Variants in CDKAL1 observed in about 807,000 individuals in gnomAD.
CDKAL1 encodes the protein CDKAL1 threonylcarbamoyladenosine tRNA methylthiotransferase.
In CDKAL1, 32 loss-of-function variants were observed where a neutral mutation model predicts 68.2. The ratio of observed to expected loss-of-function variants is 0.47; its 90% CI spans 0.35 to 0.63. CDKAL1 has a LOEUF of 0.63. Among genes scored for constraint, CDKAL1 ranks in the 30% least tolerant of loss-of-function variants. The pLI is 0.00. For missense variants in CDKAL1, 606 were observed against 696.7 expected (o/e 0.87, Z 1.47); for synonymous variants, 234 against 244.3 (o/e 0.96, Z 0.39).
chr6:20,653,576 C>T lies in CDKAL1; in HGVS notation c.371+4199C>T, dbSNP rs138583991. On this transcript the variant is annotated intron_variant, in intron 5 of 15. Transcript: ENST00000274695. ...AAAGGATTCTCCTGCCTCAGCCTCC[C>T]GGGTACCTGGGATCACAGGCGGGCG... is the stretch of plus-strand genomic sequence containing the variant. Among the ~76,000 whole-genome samples, 669 of 151,914 alleles carry T rather than the reference C, an allele frequency of 4.4e-3. 4 individuals carry two copies. Among genetic ancestry groups the T allele is most frequent in the African/African-American group, 0.015 (628 of 41,400 alleles).
intron 12 of CDKAL1, among the ~76,000 whole-genome samples, chr6:21,084,718 T>C (rs988898776): frequency 2.0e-5 from 3 of 152,170 alleles, no homozygotes; most frequent in Non-Finnish European, 4.4e-5. Flanking sequence ...GATAAACAAA[T>C]ATAAAGAGGT....
chr6:21,079,940 T>G (rs923113132), intron 12 of CDKAL1, among the ~76,000 whole-genome samples: 1 of 149,190 alleles, frequency 6.7e-6, no homozygotes, highest in Non-Finnish European at 1.5e-5. Context: ...TTTTTGTTGT[T>G]CTAAGCACCA....
intron 4 of CDKAL1, among the ~76,000 whole-genome samples, chr6:20,562,114 C>T (rs1395662077): frequency 1.3e-5 from 2 of 152,036 alleles, no homozygotes; most frequent in African/African-American, 4.8e-5. Context: ...ATATATATTT[C>T]CATTTATTTG....
rs560063408 is a variant in CDKAL1, at chr6:21,222,172, G to A, written c.1549-8676G>A. On this transcript the variant is annotated intron_variant, in intron 15 of 15. Transcript: ENST00000274695. Reference sequence around the variant, plus strand: ...ACCAAAATAAGATAAAAACCCACCCGTGATATTAAGATTAGACAGTTCGCA... The same window carrying A: ...ACCAAAATAAGATAAAAACCCACCCATGATATTAAGATTAGACAGTTCGCA... 3.9e-5 allele frequency among the ~76,000 whole-genome samples: 6 copies of A among 152,288 alleles called. No homozygotes were observed. In the East Asian group the frequency reaches 5.8e-4, roughly 15 times the overall value.
chr6:20,999,312 G>A (rs981494561), intron 10 of CDKAL1, among the ~76,000 whole-genome samples: 9 of 145,314 alleles, frequency 6.2e-5, no homozygotes, highest in South Asian at 2.2e-4. Flanking sequence ...CTTTCAAATC[G>A]ATGACCTGAC....
intron 7 of CDKAL1, among the ~76,000 whole-genome samples, chr6:20,760,939 A>G (rs751476531): frequency 2.6e-5 from 4 of 152,214 alleles, no homozygotes; most frequent in Admixed American, 6.5e-5. Flanking sequence ...TTTTTGCTCT[A>G]TAAAAGACAC....
rs140136314 is a variant in CDKAL1, at chr6:20,675,447, C to T, written c.371+26070C>T. Among the ~76,000 whole-genome samples the T allele has an allele frequency of 6.8e-3, 1,038 of 152,186 alleles. 8 individuals are homozygous for T. The highest frequency in any genetic ancestry group is 0.011 in the Non-Finnish European group (744 of 68,010). ...AATCTGTATTTCTGTATGAAATTACCCATATCATCTTGGTTTTAAATATAC... is the reference window on the plus strand; with the variant it reads ...AATCTGTATTTCTGTATGAAATTACTCATATCATCTTGGTTTTAAATATAC... On this transcript the variant is annotated intron_variant, in intron 5 of 15. Transcript: ENST00000274695.
intron 5 of CDKAL1, among the ~76,000 whole-genome samples, chr6:20,670,202 A>G (rs575221432): frequency 6.6e-6 from 1 of 152,188 alleles, no homozygotes; most frequent in South Asian, 2.1e-4. Context: ...ACACAAATAT[A>G]ATATTTATGT....
intron 10 of CDKAL1, among the ~76,000 whole-genome samples, chr6:20,973,832 T>A (rs1299994781): frequency 2.0e-5 from 3 of 152,120 alleles, no homozygotes; most frequent in Non-Finnish European, 4.4e-5. Flanking sequence ...CTCGAACTCC[T>A]GGGCTCAAGT....
intron 9 of CDKAL1, among the ~76,000 whole-genome samples, chr6:20,918,880 G>C (rs1310128834): frequency 6.6e-6 from 1 of 152,192 alleles, no homozygotes; most frequent in East Asian, 1.9e-4. Context: ...CCTGCATTTA[G>C]TGTTCATGGG....
chr6:20,613,311 G>T (rs1438045110), intron 4 of CDKAL1, among the ~76,000 whole-genome samples: 1 of 112,118 alleles, frequency 8.9e-6, no homozygotes, highest in Non-Finnish European at 1.7e-5. Flanking sequence ...GTCTCGCTCT[G>T]TCACCCAGGC....
At chr6:20,939,480 A>G (rs4712570) in intron 9 of CDKAL1, among the ~76,000 whole-genome samples, 27,144 of 152,202 alleles carry the variant, frequency 0.18, 2,795 homozygotes, top group Admixed American at 0.26. Flanking sequence ...TGAAATATCA[A>G]AATGGTTTTT....
intron 8 of CDKAL1, among the ~76,000 whole-genome samples, chr6:20,816,878 A>G (rs76354240): frequency 0.028 from 4,228 of 152,140 alleles, 170 homozygotes; most frequent in African/African-American, 0.094. Flanking sequence ...GCTATTCTCT[A>G]TAATAATGGT....
chr6:20,748,689 A>G (rs1346109458), intron 6 of CDKAL1, among the ~76,000 whole-genome samples: 2 of 151,758 alleles, frequency 1.3e-5, no homozygotes, highest in East Asian at 3.9e-4. Flanking sequence ...AGCCAAGCAT[A>G]CCAAGGATAT....
At chr6:20,943,409 T>C (rs1764090001) in intron 9 of CDKAL1, among the ~76,000 whole-genome samples, 1 of 151,910 alleles carries the variant, frequency 6.6e-6, no homozygotes, top group Non-Finnish European at 1.5e-5. Flanking sequence ...CTTTTGTTTA[T>C]TCTGATGAAG....
chr6:20,811,466 G>T lies in CDKAL1; in HGVS notation c.638+30201G>T, dbSNP rs187281685. Among the ~76,000 whole-genome samples, 754 of 151,854 alleles carry T rather than the reference G, an allele frequency of 5.0e-3. 8 individuals are homozygous for T. Among genetic ancestry groups the T allele is most frequent in the African/African-American group, 0.017 (722 of 41,380 alleles). On this transcript the variant is annotated intron_variant, in intron 8 of 15. Transcript: ENST00000274695. ...TGTTGTTTCATTTTTTTCTTTCTTCGTTTTTTGCAGTTTATTTAAGGAAAC... is the reference window on the plus strand; with the variant it reads ...TGTTGTTTCATTTTTTTCTTTCTTCTTTTTTTGCAGTTTATTTAAGGAAAC...
Position 21,112,524 on chromosome 6 carries a change from T to C in CDKAL1, c.1299+4061T>C, listed in dbSNP as rs145058071. The stretch of plus-strand genomic sequence containing the variant: ...TAGTGGCTTGTTATATTAGTAATTT[T>C]TCTGCATATACATGTCAGTGGACAC... On this transcript the variant is annotated intron_variant, in intron 13 of 15. Transcript: ENST00000274695. Among the ~76,000 whole-genome samples the C allele has an allele frequency of 1.8e-3, 272 of 152,346 alleles. 10 individuals are homozygous for C. In the East Asian group the frequency reaches 0.048, roughly 27 times the overall value.
rs1449985277 is a variant in CDKAL1, at chr6:20,781,216, C to A, written c.589C>A (p.Pro197Thr). 2 of 1,613,460 alleles carry A rather than the reference C, an allele frequency of 1.2e-6. No homozygotes were observed. The highest frequency in any genetic ancestry group is 1.7e-6 in the Non-Finnish European group (2 of 1,179,576). The change falls in exon 8 of 16, where the codon CCG (proline) becomes ACG (threonine). Residue 197 changes from proline (P) to threonine (T), a missense_variant. Coordinates refer to ENST00000274695, the MANE Select transcript of CDKAL1 (RefSeq NM_017774.3). ...GCTTGGGGGAGCACGATTGGATTTG[C>A]CGAAGATTAGGAAGAATCCACTGAT... ...RRLGGARLDL[P>T]KIRKNPLIEI...
In CDKAL1 at chr6:21,231,080, C is replaced by A. The variant is rs775431957; in HGVS notation, c.*41C>A. ...AACATCTATAAAGAAGAATACATTTCTAATTAAAATCTTCAATGAACAGGA... is the reference window on the plus strand; with the variant it reads ...AACATCTATAAAGAAGAATACATTTATAATTAAAATCTTCAATGAACAGGA... On this transcript the variant is annotated 3_prime_UTR_variant, in exon 16 of 16. Coordinates refer to ENST00000274695, the MANE Select transcript of CDKAL1 (RefSeq NM_017774.3). 4.8e-6 allele frequency: 7 copies of A among 1,456,490 alleles called. No homozygotes were observed. The African/African-American group carries it at 7.0e-5, about 15-fold the overall frequency. 90.2% of individuals were successfully genotyped at this position (1,456,490 alleles called of 1,614,324 possible). A position where few individuals can be genotyped will look rare whatever the true frequency, so the allele number is the denominator to read the frequency against.
Sources: allele counts gnomAD v4.1 joint callset (sites outside exome capture counted in the v4.1 genomes callset), GRCh38; gene constraint gnomAD v4.1.1; transcripts MANE v1.5; gene names NCBI Gene and HGNC (gene_info 2026-07-23, HGNC 2026-07-21).